The following HPSE2 variants were observed in gnomAD, a reference collection of about 807,000 sequenced individuals.
HPSE2 encodes the protein inactive heparanase-2.
In HPSE2, 38 loss-of-function variants were observed where a neutral mutation model predicts 60.5. The observed-to-expected ratio is 0.63, with a 90% confidence interval of 0.48 to 0.82. The LOEUF (loss-of-function observed/expected upper bound fraction) is 0.82, where lower values mean the gene tolerates loss of function less well. HPSE2 is among the 40% of genes least tolerant of loss of function. The pLI, the probability that HPSE2 is intolerant of heterozygous loss-of-function variation, is 0.00. For synonymous variants in HPSE2, 295 were observed against 293.2 expected (o/e 1.01, Z -0.06); for missense variants, 713 against 740.4 (o/e 0.96, Z 0.43).
intron 3 of HPSE2, among the ~76,000 whole-genome samples, chr10:98,811,382 TTTA>T (rs1951166223): frequency 6.6e-6 from 1 of 152,178 alleles, no homozygotes; most frequent in African/African-American, 2.4e-5. Context: ...TGTTTGTTTA[TTTA>T]TTGTTTCCCC....
chr10:98,475,078 C>T (rs902837708), intron 11 of HPSE2, among the ~76,000 whole-genome samples: 7 of 151,882 alleles, frequency 4.6e-5, no homozygotes, highest in African/African-American at 1.7e-4. Context: ...AATTTGTCTA[C>T]TTGGAACTCT....
At chr10:99,072,053 T>C (rs1842809363) in intron 3 of HPSE2, among the ~76,000 whole-genome samples, 1 of 152,020 alleles carries the variant, frequency 6.6e-6, no homozygotes, top group Non-Finnish European at 1.5e-5. Context: ...GTTTTGGTTA[T>C]TTAGGGTCCT....
At chr10:99,142,400 A>G (rs1001785348) in intron 3 of HPSE2, among the ~76,000 whole-genome samples, 1 of 152,230 alleles carries the variant, frequency 6.6e-6, no homozygotes, top group African/African-American at 2.4e-5. Context: ...TAGTTTTACC[A>G]TTGGTGCTAA....
chr10:99,116,079 C>G (rs1844677619), intron 3 of HPSE2, among the ~76,000 whole-genome samples: 1 of 152,048 alleles, frequency 6.6e-6, no homozygotes, highest in Non-Finnish European at 1.5e-5. Flanking sequence ...TAAAAGAACC[C>G]AAAATGTTTA....
chr10:98,973,697 C>T (rs1956015391), intron 3 of HPSE2, among the ~76,000 whole-genome samples: 1 of 152,060 alleles, frequency 6.6e-6, no homozygotes, highest in South Asian at 2.1e-4. Flanking sequence ...ATGTGATCAA[C>T]TTCTAAGAAC....
intron 9 of HPSE2, among the ~76,000 whole-genome samples, chr10:98,605,420 T>C (rs1173042798): frequency 1.3e-5 from 2 of 152,230 alleles, no homozygotes; most frequent in Non-Finnish European, 2.9e-5. Flanking sequence ...TTTTAGTGTA[T>C]GTCATAAGGT....
At chr10:99,132,191 A>AAGAAAG (rs1845434293) in intron 3 of HPSE2, among the ~76,000 whole-genome samples, 1 of 71,902 alleles carries the variant, frequency 1.4e-5, no homozygotes. Context: ...GAAAGAAAGA[A>AAGAAAG]AGAGAGAGAG....
intron 3 of HPSE2, among the ~76,000 whole-genome samples, chr10:99,042,196 C>T (rs1431301057): frequency 6.6e-6 from 1 of 152,048 alleles, no homozygotes; most frequent in Non-Finnish European, 1.5e-5. Flanking sequence ...AGCCTGACTA[C>T]TTTCCTGCAC....
the HPSE2 span, among the ~76,000 whole-genome samples, chr10:99,248,894 C>A: frequency 7.3e-3 from 1,108 of 152,346 alleles, 12 homozygotes; most frequent in Non-Finnish European, 0.012. Context: ...CCAGAGGGTG[C>A]AAACCATAAG....
chr10:99,149,863 G>GTT (rs555264387), intron 2 of HPSE2, among the ~76,000 whole-genome samples: 1 of 144,894 alleles, frequency 6.9e-6, no homozygotes, highest in South Asian at 2.2e-4. Context: ...CCCTATGCTT[G>GTT]TTTTTTTTTT....
chr10:98,703,759 TG>T (rs1948473646), intron 5 of HPSE2, among the ~76,000 whole-genome samples: 1 of 152,264 alleles, frequency 6.6e-6, no homozygotes, highest in South Asian at 2.1e-4. Context: ...TAGGTATTCA[TG>T]GAACATATCT....
At chr10:99,219,782 T>A (rs1270828086) in intron 2 of HPSE2, among the ~76,000 whole-genome samples, 2 of 152,226 alleles carry the variant, frequency 1.3e-5, no homozygotes, top group African/African-American at 4.8e-5. Flanking sequence ...AAAGTGTAAT[T>A]ATTTTTCTCC....
chr10:98,997,857 G>T (rs1219878248), intron 3 of HPSE2, among the ~76,000 whole-genome samples: 1 of 152,196 alleles, frequency 6.6e-6, no homozygotes, highest in African/African-American at 2.4e-5. Context: ...GAGGAAGGTT[G>T]CAGAAGCAGA....
intron 11 of HPSE2, among the ~76,000 whole-genome samples, chr10:98,475,973 G>A (rs1284724284): frequency 2.6e-5 from 4 of 151,930 alleles, no homozygotes; most frequent in Non-Finnish European, 4.4e-5. Flanking sequence ...CCATTACTGG[G>A]TATATATCCA....
At chr10:99,087,705 G>C (rs1464117449) in intron 3 of HPSE2, among the ~76,000 whole-genome samples, 2 of 151,918 alleles carry the variant, frequency 1.3e-5, no homozygotes, top group Non-Finnish European at 2.9e-5. Flanking sequence ...CTGACGACTA[G>C]CCCACAGCAA....
At chr10:98,742,253 G>C (rs1352356752) in intron 4 of HPSE2, among the ~76,000 whole-genome samples, 1 of 152,120 alleles carries the variant, frequency 6.6e-6, no homozygotes, top group Non-Finnish European at 1.5e-5. Context: ...AGAGAGAAAA[G>C]CAGAGAAAGA....
At chr10:99,025,476 A>G (rs1187456058) in intron 3 of HPSE2, among the ~76,000 whole-genome samples, 4 of 152,164 alleles carry the variant, frequency 2.6e-5, no homozygotes, top group African/African-American at 9.7e-5. Flanking sequence ...CAGATTGAAT[A>G]AAGAAAATGT....
intron 3 of HPSE2, among the ~76,000 whole-genome samples, chr10:98,782,918 T>TA (rs1392330597): frequency 0.051 from 2,206 of 43,660 alleles, 48 homozygotes; most frequent in African/African-American, 0.12. Flanking sequence ...GTTTATTTTT[T>TA]TTTTTTTATT....
At chr10:99,132,088 G>A (rs1162582509) in intron 3 of HPSE2, among the ~76,000 whole-genome samples, 2 of 149,570 alleles carry the variant, frequency 1.3e-5, no homozygotes, top group African/African-American at 2.5e-5. Context: ...CTCCAGCCTG[G>A]GCAACAACAG....
Sources: gnomAD v4.1 joint callset for allele counts (sites outside exome capture counted in the v4.1 genomes callset) on GRCh38, gnomAD v4.1.1 for gene constraint, MANE v1.5 for transcripts, NCBI Gene and HGNC (gene_info 2026-07-23, HGNC 2026-07-21) for gene names.